LDLRAD3: variants seen among roughly 807,000 people sequenced by gnomAD.
The protein encoded by LDLRAD3 is low density lipoprotein receptor class A domain containing 3.
Under a neutral mutation model 29.4 loss-of-function variants are expected in LDLRAD3, and 20 were observed. The observed-to-expected ratio is 0.68, with a 90% CI of 0.48 to 0.99. The LOEUF (loss-of-function observed/expected upper bound fraction) is 0.99, where lower values mean the gene tolerates loss of function less well. Ranked by LOEUF, LDLRAD3 falls within the 50% of genes least tolerant of loss-of-function variation. LDLRAD3 has a pLI of 0.00. For synonymous variants in LDLRAD3, 157 were observed against 192.7 expected (o/e 0.81, Z 1.53); for missense variants, 420 against 454.3 (o/e 0.92, Z 0.69).
At chr11:36,152,666 C>T (rs1854293348) in intron 4 of LDLRAD3, among the ~76,000 whole-genome samples, 1 of 152,190 alleles carries the variant, frequency 6.6e-6, no homozygotes, top group African/African-American at 2.4e-5. Flanking sequence ...TTGCACAGAT[C>T]AGCTTTTCTA....
chr11:36,047,810 T>C (rs1408741158), intron 2 of LDLRAD3, among the ~76,000 whole-genome samples: 1 of 152,150 alleles, frequency 6.6e-6, no homozygotes, highest in Admixed American at 6.5e-5. Context: ...GCTGAAACCT[T>C]GAAACCCCTT....
chr11:36,071,905 CA>C (rs540315533), intron 2 of LDLRAD3, among the ~76,000 whole-genome samples: 11 of 152,202 alleles, frequency 7.2e-5, no homozygotes, highest in Non-Finnish European at 1.6e-4. Context: ...TTTTTGAGAC[CA>C]TGCTGTAAGA....
chr11:36,093,428 T>C (rs138820134), intron 3 of LDLRAD3, among the ~76,000 whole-genome samples: 1 of 149,936 alleles, frequency 6.7e-6, no homozygotes, highest in African/African-American at 2.4e-5. Context: ...CCCATTAAGG[T>C]TTTTTTTTTC....
intron 4 of LDLRAD3, among the ~76,000 whole-genome samples, chr11:36,110,319 C>G (rs550295591): frequency 6.6e-6 from 1 of 152,220 alleles, no homozygotes; most frequent in South Asian, 2.1e-4. Context: ...GCAGGTTTCC[C>G]CTCCTTGTCC....
intron 2 of LDLRAD3, among the ~76,000 whole-genome samples, chr11:36,056,734 AAGG>A (rs1319413556): frequency 1.1e-4 from 16 of 152,190 alleles, no homozygotes; most frequent in Non-Finnish European, 2.1e-4. Flanking sequence ...CAGAACCTTG[AAGG>A]AGATTTCTTT....
chr11:36,027,685 G>C (rs572936903), intron 1 of LDLRAD3, among the ~76,000 whole-genome samples: 1 of 152,358 alleles, frequency 6.6e-6, no homozygotes, highest in South Asian at 2.1e-4. Context: ...GCAGAAGAGA[G>C]ACTATCGAAT....
chr11:36,143,012 C>T lies in LDLRAD3; in HGVS notation c.454+44551C>T, dbSNP rs370817776. On this transcript the variant is annotated intron_variant, in intron 4 of 5. Transcript: ENST00000315571. ...TGAACCTTTTCATTAATATACATAA[C>T]AAACATTGATTAAACACGTACTATG... is the stretch of plus-strand genomic sequence containing the variant. Among the ~76,000 whole-genome samples, 36 of 152,320 alleles carry T rather than the reference C, an allele frequency of 2.4e-4. 1 individual carries two copies. The highest frequency in any genetic ancestry group is 7.9e-4 in the African/African-American group (33 of 41,580).
chr11:36,145,155 T>TG (rs1485629039), intron 4 of LDLRAD3, among the ~76,000 whole-genome samples: 2 of 86,830 alleles, frequency 2.3e-5, no homozygotes, highest in Admixed American at 1.2e-4. Flanking sequence ...GGGAGGGAGG[T>TG]GGGGGGGTCA....
chr11:36,104,881 A>G (rs137857591), intron 4 of LDLRAD3, among the ~76,000 whole-genome samples: 330 of 152,030 alleles, frequency 2.2e-3, no homozygotes, highest in Middle Eastern at 0.017. Context: ...GGTCAGTCCT[A>G]CTCTTGGCCT....
intron 1 of LDLRAD3, chr11:35,967,438 G>A (rs1381490271): frequency 3.1e-6 from 1 of 326,798 alleles, no homozygotes; most frequent in Non-Finnish European, 5.9e-6. Flanking sequence ...CCATTGCAGT[G>A]ATTAATCCCA....
intron 2 of LDLRAD3, among the ~76,000 whole-genome samples, chr11:36,076,190 G>A (rs1265505036): frequency 6.6e-6 from 1 of 151,214 alleles, no homozygotes; most frequent in African/African-American, 2.4e-5. Flanking sequence ...ATACACACAA[G>A]TCAATATTTA....
chr11:36,082,018 T>C (rs1326714759), intron 3 of LDLRAD3, among the ~76,000 whole-genome samples: 2 of 152,236 alleles, frequency 1.3e-5, no homozygotes, highest in Non-Finnish European at 2.9e-5. Context: ...GTTCTGACAA[T>C]AGCTCTGCAA....
chr11:36,065,789 C>A (rs939969340), intron 2 of LDLRAD3, among the ~76,000 whole-genome samples: 12 of 152,118 alleles, frequency 7.9e-5, no homozygotes, highest in Admixed American at 6.6e-4. Context: ...TTTATATCTG[C>A]CCTTTGCAGG....
intron 2 of LDLRAD3, among the ~76,000 whole-genome samples, chr11:36,060,572 T>C (rs911080528): frequency 6.6e-5 from 10 of 152,118 alleles, no homozygotes; most frequent in Non-Finnish European, 7.4e-5. Context: ...AGGATTGGGA[T>C]TCAGTCTGAT....
At chr11:36,156,662 G>A (rs1031639325) in intron 4 of LDLRAD3, among the ~76,000 whole-genome samples, 1 of 152,180 alleles carries the variant, frequency 6.6e-6, no homozygotes, top group Non-Finnish European at 1.5e-5. Flanking sequence ...GCATTATTTG[G>A]CAACAATAAC....
intron 2 of LDLRAD3, 124 bp downstream of exon 2, chr11:36,036,373 T>C: frequency 9.5e-7 from 1 of 1,051,176 alleles, no homozygotes; most frequent in Non-Finnish European, 1.4e-6. Flanking sequence ...TTGTGCCTCT[T>C]GCCAGCAGTC....
intron 5 of LDLRAD3, 42 bp downstream of exon 5, chr11:36,227,472 C>T (rs918810030): frequency 7.0e-6 from 10 of 1,419,928 alleles, no homozygotes; most frequent in Admixed American, 4.5e-5. Flanking sequence ...AGAGGTCATC[C>T]ATTGCGGGGA....
Position 36,148,530 on chromosome 11 carries a change from G to C in LDLRAD3, c.454+50069G>C, listed in dbSNP as rs1449134734. Among the ~76,000 whole-genome samples, 2 of 152,148 alleles carry C rather than the reference G, an allele frequency of 1.3e-5. 1 individual carries two copies. The highest frequency in any genetic ancestry group is 2.9e-5 in the Non-Finnish European group (2 of 68,032). ...CTTCTGACAGTTATATTTACCAGTA[G>C]AACTAGAAGGGAATGCTTCAGTCTA... On this transcript the variant is annotated intron_variant, in intron 4 of 5. Transcript: ENST00000315571.
At position 36,109,064 on chromosome 11, in the gene LDLRAD3, G is replaced by A. The variant is rs183839209; in HGVS notation, c.454+10603G>A. On this transcript the variant is annotated intron_variant, in intron 4 of 5. Transcript: ENST00000315571. ...AGGAACAGGATCAGATATCAAGGGTGAGCATGTGGCAGATGGAGGATTTTG... is the reference window on the plus strand; with the variant it reads ...AGGAACAGGATCAGATATCAAGGGTAAGCATGTGGCAGATGGAGGATTTTG... Among the ~76,000 whole-genome samples the A allele has an allele frequency of 4.2e-3, 633 of 152,290 alleles. 2 individuals are homozygous for A. Among genetic ancestry groups the A allele is most frequent in the Non-Finnish European group, 7.6e-3 (515 of 68,030 alleles).
Sources: gnomAD v4.1 joint callset for allele counts (sites outside exome capture counted in the v4.1 genomes callset) on GRCh38, gnomAD v4.1.1 for gene constraint, MANE v1.5 for transcripts, NCBI Gene and HGNC (gene_info 2026-07-23, HGNC 2026-07-21) for gene names.